EMB: variants seen among roughly 807,000 people sequenced by gnomAD.
The protein encoded by EMB is embigin.
A neutral mutation model predicts 41.4 loss-of-function variants in EMB; 31 were observed. That is an observed-to-expected ratio of 0.75 (90% CI 0.56 to 1.01). EMB has a LOEUF of 1.01. EMB is among the 50% of genes least tolerant of loss of function. The pLI is 0.00. For synonymous variants in EMB, 137 were observed against 140.4 expected (o/e 0.98, Z 0.17); for missense variants, 379 against 388.3 (o/e 0.98, Z 0.20).
At chr5:50,419,225 T>C (rs1038194704) in intron 2 of EMB, among the ~76,000 whole-genome samples, 9 of 152,190 alleles carry the variant, frequency 5.9e-5, no homozygotes, top group Non-Finnish European at 1.2e-4. Flanking sequence ...TAGTATTTTT[T>C]CCATCTCTTC....
intron 7 of EMB, among the ~76,000 whole-genome samples, chr5:50,400,967 G>C (rs1330293490): frequency 6.6e-6 from 1 of 152,018 alleles, no homozygotes; most frequent in Non-Finnish European, 1.5e-5. Context: ...GGAGAATAGA[G>C]GAATCCGAGC....
intron 1 of EMB, chr5:50,428,603 T>C (rs1745662494): frequency 1.0e-6 from 1 of 987,348 alleles, no homozygotes; most frequent in South Asian, 4.7e-5. Flanking sequence ...AGAGAGAAGA[T>C]GAAAGAAGAG....
chr5:50,407,355 G>A (rs1057377450), intron 4 of EMB, among the ~76,000 whole-genome samples: 7 of 133,642 alleles, frequency 5.2e-5, no homozygotes, highest in South Asian at 2.5e-4. Context: ...GCTGCGAGGC[G>A]CTTTTCAAGA....
chr5:50,435,306 C>A (rs1034664083), intron 1 of EMB, among the ~76,000 whole-genome samples: 3 of 152,090 alleles, frequency 2.0e-5, no homozygotes, highest in Admixed American at 6.5e-5. Context: ...CCATTAAAAT[C>A]AAGAAATGAA....
chr5:50,400,765 G>A (rs188886331), intron 7 of EMB, among the ~76,000 whole-genome samples: 39 of 152,120 alleles, frequency 2.6e-4, no homozygotes, highest in Admixed American at 6.6e-4. Context: ...GCAAAATGAT[G>A]TACATTGATC....
chr5:50,419,760 C>G (rs1252333903), intron 2 of EMB, among the ~76,000 whole-genome samples: 1 of 152,058 alleles, frequency 6.6e-6, no homozygotes, highest in Non-Finnish European at 1.5e-5. Flanking sequence ...TTCACGACAG[C>G]AAAGACATAG....
At chr5:50,426,682 T>C (rs1026548918) in intron 2 of EMB, among the ~76,000 whole-genome samples, 31 of 152,184 alleles carry the variant, frequency 2.0e-4, no homozygotes, top group Non-Finnish European at 1.3e-4. Context: ...ATGTTATAAG[T>C]ATTGTTTCTA....
intron 1 of EMB, among the ~76,000 whole-genome samples, chr5:50,438,111 T>G (rs1198527214): frequency 6.6e-6 from 1 of 152,150 alleles, no homozygotes; most frequent in Non-Finnish European, 1.5e-5. Flanking sequence ...TCCAATTAGC[T>G]CGGAGAGACA....
intron 4 of EMB, among the ~76,000 whole-genome samples, chr5:50,407,132 T>C (rs1334244989): frequency 1.3e-5 from 2 of 152,004 alleles, no homozygotes; most frequent in Admixed American, 6.6e-5. Flanking sequence ...CTCTCAGATA[T>C]CCTATTTCTC....
intron 2 of EMB, among the ~76,000 whole-genome samples, chr5:50,418,565 AT>A (rs1561135891): frequency 6.6e-6 from 1 of 152,218 alleles, no homozygotes; most frequent in Non-Finnish European, 1.5e-5. Context: ...ATTGTGCCTC[AT>A]TATTCTTTCA....
intron 2 of EMB, among the ~76,000 whole-genome samples, chr5:50,421,759 G>A (rs1745527961): frequency 6.6e-6 from 1 of 151,922 alleles, no homozygotes. Flanking sequence ...CGTGGATGAA[G>A]CTGGAAACCA....
intron 2 of EMB, among the ~76,000 whole-genome samples, chr5:50,416,678 G>T (rs1295791495): frequency 6.6e-6 from 1 of 152,048 alleles, no homozygotes; most frequent in Non-Finnish European, 1.5e-5. Flanking sequence ...AGAAAATACA[G>T]AGCCCTATCA....
intron 1 of EMB, among the ~76,000 whole-genome samples, chr5:50,438,513 A>G (rs563542330): frequency 8.4e-4 from 128 of 152,336 alleles, no homozygotes; most frequent in African/African-American, 3.0e-3. Context: ...ATGCTAACTC[A>G]TAGGGCTATA....
chr5:50,419,524 AC>A (rs979805296), intron 2 of EMB, among the ~76,000 whole-genome samples: 1 of 127,704 alleles, frequency 7.8e-6, no homozygotes, highest in Non-Finnish European at 1.7e-5. Flanking sequence ...CTTAAACAGA[AC>A]CCCCACTACA....
At chr5:50,442,746 A>AC (rs1745935522), upstream of EMB, among the ~76,000 whole-genome samples, 1 of 152,094 alleles carries the variant, frequency 6.6e-6, no homozygotes, top group African/African-American at 2.4e-5. Context: ...CTTTCTTTCA[A>AC]CCCTGCATCT....
chr5:50,441,062 G>A lies in EMB; in HGVS notation c.90C>T (p.Ser30=), dbSNP rs762837312. ...LQCLLAAARP[S]SADGSAPDSP... ...CACCTGGGGCACTGCCGTCCGCCGA[G>A]CTTGGGCGCGCGGCAGCGAGAAGGC... is the stretch of plus-strand genomic sequence containing the variant. The change falls in exon 1 of 9, where the codon AGC becomes AGT. Residue 30 remains serine (S), a synonymous_variant. Coordinates refer to ENST00000303221, the MANE Select transcript of EMB (RefSeq NM_198449.3). The A allele has an allele frequency of 8.6e-6, 13 of 1,511,296 alleles. No homozygotes were observed. In the South Asian group the frequency reaches 1.6e-4, roughly 19 times the overall value. The allele number at this position is 1,511,296 out of a possible 1,614,324, so 93.6% of individuals were successfully genotyped here.
intron 1 of EMB, among the ~76,000 whole-genome samples, chr5:50,435,859 G>C (rs1483507625): frequency 6.6e-6 from 1 of 151,810 alleles, no homozygotes; most frequent in Non-Finnish European, 1.5e-5. Flanking sequence ...TATTTATTTT[G>C]ATGCTCAATT....
At chr5:50,439,835 T>A (rs1280676431) in intron 1 of EMB, among the ~76,000 whole-genome samples, 2 of 152,192 alleles carry the variant, frequency 1.3e-5, no homozygotes, top group Non-Finnish European at 2.9e-5. Flanking sequence ...GTTTGAAAAC[T>A]TTTTGCAGAA....
chr5:50,439,509 T>G (rs1379501256), intron 1 of EMB, among the ~76,000 whole-genome samples: 2 of 144,844 alleles, frequency 1.4e-5, no homozygotes, highest in Non-Finnish European at 3.0e-5. Flanking sequence ...TTTTTTTTAA[T>G]AAAGAAGGGA....
Sources: allele counts gnomAD v4.1 joint callset (sites outside exome capture counted in the v4.1 genomes callset), GRCh38; gene constraint gnomAD v4.1.1; transcripts MANE v1.5; gene names NCBI Gene and HGNC (gene_info 2026-07-23, HGNC 2026-07-21).